The following HS3ST5 variants were observed in gnomAD, a reference collection of about 807,000 sequenced individuals.
HS3ST5 encodes heparan sulfate glucosamine 3-O-sulfotransferase 5.
In HS3ST5, 10 loss-of-function variants were observed where a neutral mutation model predicts 25.4. The ratio of observed to expected loss-of-function variants is 0.39; its 90% CI spans 0.24 to 0.67. The LOEUF (loss-of-function observed/expected upper bound fraction) is 0.67. Ranked by LOEUF, HS3ST5 falls within the 30% of genes least tolerant of loss-of-function variation. HS3ST5 has a pLI of 0.44. For synonymous variants in HS3ST5, 170 were observed against 162.4 expected (o/e 1.05, Z -0.36); for missense variants, 324 against 420.7 (o/e 0.77, Z 2.01).
intron 3 of HS3ST5, among the ~76,000 whole-genome samples, chr6:114,118,361 A>C (rs1776631703): frequency 6.6e-6 from 1 of 152,220 alleles, no homozygotes; most frequent in Admixed American, 6.5e-5. Context: ...AAGAAGAGAC[A>C]CAAGGGCAAA....
rs76627293 is a variant in HS3ST5, at chr6:114,324,045, T to C, written c.-339+18150A>G. Among the ~76,000 whole-genome samples the C allele has an allele frequency of 2.0e-4, 30 of 152,128 alleles. No homozygotes were observed. In the East Asian group the frequency reaches 5.8e-3, roughly 29 times the overall value. Reference sequence around the variant, plus strand: ...CCTGTCCTTTCTTAGATTCTGAGAGTATAAGATTCAAGAGGAGGAAGGTGA... The same window carrying C: ...CCTGTCCTTTCTTAGATTCTGAGAGCATAAGATTCAAGAGGAGGAAGGTGA... On this transcript the variant is annotated intron_variant, in intron 1 of 4. Coordinates refer to ENST00000312719, the MANE Select transcript of HS3ST5 (RefSeq NM_153612.4).
intron 1 of HS3ST5, among the ~76,000 whole-genome samples, chr6:114,238,424 A>G (rs916580538): frequency 1.3e-5 from 2 of 152,226 alleles, no homozygotes; most frequent in African/African-American, 4.8e-5. Flanking sequence ...CTTTACCAGT[A>G]TGTGATAAGT....
At chr6:114,264,649 T>C (rs1301622281) in intron 1 of HS3ST5, among the ~76,000 whole-genome samples, 1 of 152,180 alleles carries the variant, frequency 6.6e-6, no homozygotes, top group Non-Finnish European at 1.5e-5. Flanking sequence ...TTTTTCATGT[T>C]CATTCCATTA....
chr6:114,323,129 T>C (rs960382839), intron 1 of HS3ST5, among the ~76,000 whole-genome samples: 2 of 152,132 alleles, frequency 1.3e-5, no homozygotes, highest in Non-Finnish European at 2.9e-5. Context: ...GACTGGTCAT[T>C]TGTTACCTCA....
intron 1 of HS3ST5, among the ~76,000 whole-genome samples, chr6:114,245,152 T>C (rs1360343775): frequency 6.6e-6 from 1 of 152,164 alleles, no homozygotes; most frequent in Non-Finnish European, 1.5e-5. Flanking sequence ...AGTTTGCAAT[T>C]ACAACATGAA....
At chr6:114,087,584 G>A (rs1774903064) in intron 3 of HS3ST5, among the ~76,000 whole-genome samples, 1 of 152,174 alleles carries the variant, frequency 6.6e-6, no homozygotes, top group African/African-American at 2.4e-5. Flanking sequence ...AACCTAATGT[G>A]GCTCAGGCCC....
intron 1 of HS3ST5, chr6:114,282,003 G>A (rs1774134590): frequency 2.6e-5 from 4 of 151,960 alleles, no homozygotes; most frequent in Non-Finnish European, 5.9e-5. Flanking sequence ...AAAGCAGCGA[G>A]TTGAGGTAGG....
At chr6:114,335,963 C>T (rs1388463461) in intron 1 of HS3ST5, among the ~76,000 whole-genome samples, 3 of 152,098 alleles carry the variant, frequency 2.0e-5, no homozygotes, top group Non-Finnish European at 4.4e-5. Context: ...CAAAAGCCTC[C>T]TTTTAATTTC....
intron 1 of HS3ST5, among the ~76,000 whole-genome samples, chr6:114,258,106 GGTCT>G (rs1298155498): frequency 5.9e-5 from 9 of 152,022 alleles, no homozygotes; most frequent in East Asian, 5.8e-4. Flanking sequence ...AAATATAAAT[GGTCT>G]GTCTTTCAGT....
rs561660623 is a variant in HS3ST5 at position 114,072,151 on chromosome 6, A to G, written c.-32-9274T>C. Among the ~76,000 whole-genome samples, 20 of 152,344 alleles carry G rather than the reference A, an allele frequency of 1.3e-4. No homozygotes were observed. The East Asian group carries it at 2.1e-3, about 16-fold the overall frequency. On this transcript the variant is annotated intron_variant, in intron 3 of 4. Transcript: ENST00000312719. ...AGATTTTATTGGTAGAAAAAGATGT[A>G]TCTCTCATCTTTGTCTAAACTTTCA... is the stretch of plus-strand genomic sequence containing the variant.
intron 2 of HS3ST5, among the ~76,000 whole-genome samples, chr6:114,182,827 G>T (rs1199332085): frequency 2.0e-5 from 3 of 152,046 alleles, no homozygotes; most frequent in African/African-American, 4.8e-5. Context: ...TGTGTGTGAG[G>T]GTCTTCCCAG....
intron 2 of HS3ST5, among the ~76,000 whole-genome samples, chr6:114,213,295 C>T (rs975361957): frequency 7.8e-6 from 1 of 127,666 alleles, no homozygotes; most frequent in African/African-American, 3.0e-5. Context: ...CTTTGCTGCT[C>T]TGCTGCCAGT....
intron 3 of HS3ST5, among the ~76,000 whole-genome samples, chr6:114,124,831 T>A (rs1776965025): frequency 6.6e-6 from 1 of 152,224 alleles, no homozygotes; most frequent in Admixed American, 6.5e-5. Context: ...GGGTCATTTG[T>A]TATATTTCTC....
At chr6:114,323,974 AC>A (rs1562276144) in intron 1 of HS3ST5, among the ~76,000 whole-genome samples, 2 of 151,976 alleles carry the variant, frequency 1.3e-5, no homozygotes, top group Admixed American at 6.6e-5. Flanking sequence ...TTTTGAGAAG[AC>A]CCCTGCAGGG....
chr6:114,274,273 A>G (rs1276541624), intron 1 of HS3ST5, among the ~76,000 whole-genome samples: 2 of 152,076 alleles, frequency 1.3e-5, no homozygotes, highest in Non-Finnish European at 2.9e-5. Flanking sequence ...GAGAGACAAT[A>G]GAGAAGATAT....
At chr6:114,194,045 G>A (rs1266817288) in intron 2 of HS3ST5, among the ~76,000 whole-genome samples, 2 of 152,132 alleles carry the variant, frequency 1.3e-5, no homozygotes, top group Non-Finnish European at 2.9e-5. Context: ...ACTTTAGGAG[G>A]AGACATGTAT....
At chr6:114,122,219 C>T (rs767492234) in intron 3 of HS3ST5, among the ~76,000 whole-genome samples, 4 of 152,164 alleles carry the variant, frequency 2.6e-5, no homozygotes, top group Non-Finnish European at 4.4e-5. Context: ...ACCTGGAGCC[C>T]TCAGGAGCCA....
chr6:114,144,630 C>T (rs1356213167), intron 3 of HS3ST5, among the ~76,000 whole-genome samples: 8 of 152,092 alleles, frequency 5.3e-5, no homozygotes, highest in Non-Finnish European at 2.9e-5. Context: ...GTAGCAGGTC[C>T]CAAAAATCCA....
chr6:114,131,213 G>A (rs1777315206), intron 3 of HS3ST5: 2 of 151,808 alleles, frequency 1.3e-5, no homozygotes, highest in African/African-American at 4.8e-5. Flanking sequence ...TACATTTCAG[G>A]AGCAATCTAA....
Sources: allele counts gnomAD v4.1 joint callset (sites outside exome capture counted in the v4.1 genomes callset), GRCh38; gene constraint gnomAD v4.1.1; transcripts MANE v1.5; gene names NCBI Gene and HGNC (gene_info 2026-07-23, HGNC 2026-07-21).